LARGE1: variants seen among roughly 807,000 people sequenced by gnomAD.
LARGE1 encodes the protein xylosyl- and glucuronyltransferase LARGE1.
In LARGE1, 43 loss-of-function variants were observed where a neutral mutation model predicts 87.6. The ratio of observed to expected loss-of-function variants is 0.49; its 90% CI spans 0.38 to 0.63. LARGE1 has a LOEUF of 0.63. Among genes scored for constraint, LARGE1 ranks in the 30% least tolerant of loss-of-function variants. The pLI is 0.00. For synonymous variants in LARGE1, 434 were observed against 394.6 expected (o/e 1.10, Z -1.18); for missense variants, 802 against 1,000.2 (o/e 0.80, Z 2.67).
intron 2 of LARGE1, among the ~76,000 whole-genome samples, chr22:33,662,092 A>C (rs2081142640): frequency 6.6e-6 from 1 of 151,640 alleles, no homozygotes; most frequent in African/African-American, 2.4e-5. Flanking sequence ...AAAAAAAAAA[A>C]AAAAAAAGGA....
intron 2 of LARGE1, among the ~76,000 whole-genome samples, chr22:33,662,522 A>T (rs2081157977): frequency 6.6e-6 from 1 of 151,938 alleles, no homozygotes; most frequent in Admixed American, 6.6e-5. Flanking sequence ...TGCAAGCCAC[A>T]CTTCACCAGA....
chr22:33,533,890 T>C (rs1042380375), intron 6 of LARGE1, among the ~76,000 whole-genome samples: 1 of 133,602 alleles, frequency 7.5e-6, no homozygotes, highest in East Asian at 2.0e-4. Flanking sequence ...TAATTTCAGG[T>C]TTTTTTTTTT....
chr22:33,627,513 T>A (rs78136966), intron 3 of LARGE1, among the ~76,000 whole-genome samples: 2,038 of 152,310 alleles, frequency 0.013, 43 homozygotes, highest in African/African-American at 0.046. Context: ...GAGATGCCTT[T>A]TCTTTTCCAG....
chr22:33,833,103 G>C (rs566025515), intron 1 of LARGE1, among the ~76,000 whole-genome samples: 9 of 152,296 alleles, frequency 5.9e-5, no homozygotes, highest in African/African-American at 2.2e-4. Flanking sequence ...TCACCAAGCA[G>C]ATGATGTCTC....
chr22:33,681,272 G>A (rs1386756628), intron 2 of LARGE1, among the ~76,000 whole-genome samples: 1 of 152,172 alleles, frequency 6.6e-6, no homozygotes, highest in Admixed American at 6.5e-5. Flanking sequence ...AGGGGATGAT[G>A]TGAATGGGCC....
At chr22:33,517,515 G>A (rs568864771) in intron 6 of LARGE1, among the ~76,000 whole-genome samples, 32 of 152,268 alleles carry the variant, frequency 2.1e-4, no homozygotes, top group Non-Finnish European at 3.5e-4. Context: ...CCGAATAGCT[G>A]GGAATACAGG....
intron 11 of LARGE1, among the ~76,000 whole-genome samples, chr22:33,192,924 G>C (rs559933699): frequency 6.6e-6 from 1 of 152,184 alleles, no homozygotes; most frequent in Admixed American, 6.5e-5. Context: ...TGAAGAAATT[G>C]TACTTTCCTC....
intron 3 of LARGE1, among the ~76,000 whole-genome samples, chr22:33,636,437 C>A (rs557096304): frequency 6.6e-6 from 1 of 152,068 alleles, no homozygotes; most frequent in South Asian, 2.1e-4. Flanking sequence ...TTGCTCTGAC[C>A]CTTCACCTCA....
intron 6 of LARGE1, among the ~76,000 whole-genome samples, chr22:33,454,851 G>A (rs895628215): frequency 5.9e-5 from 9 of 152,062 alleles, no homozygotes; most frequent in African/African-American, 1.9e-4. Flanking sequence ...TCTATCATGA[G>A]AACAGCATGA....
At chr22:33,442,198 G>A (rs559403471) in intron 6 of LARGE1, among the ~76,000 whole-genome samples, 3 of 152,234 alleles carry the variant, frequency 2.0e-5, no homozygotes, top group Admixed American at 2.0e-4. Context: ...AGAAGCTTCC[G>A]ATCACCGGAA....
intron 1 of LARGE1, among the ~76,000 whole-genome samples, chr22:33,834,451 G>C (rs751692419): frequency 5.9e-5 from 9 of 152,054 alleles, no homozygotes; most frequent in Non-Finnish European, 1.3e-4. Context: ...GGCTCATCCT[G>C]GCTCAAAAGC....
chr22:33,173,876 C>A (rs1922714554), intron 11 of LARGE1, among the ~76,000 whole-genome samples: 1 of 152,060 alleles, frequency 6.6e-6, no homozygotes, highest in African/African-American at 2.4e-5. Flanking sequence ...ACTTAGACTC[C>A]CACACAATAA....
intron 4 of LARGE1, among the ~76,000 whole-genome samples, chr22:33,620,014 A>G (rs2079698005): frequency 6.6e-6 from 1 of 152,204 alleles, no homozygotes; most frequent in Non-Finnish European, 1.5e-5. Context: ...ACCAGAACCC[A>G]GGCCTGCTTC....
At chr22:33,355,005 T>C (rs1451232026) in intron 9 of LARGE1, among the ~76,000 whole-genome samples, 3 of 152,206 alleles carry the variant, frequency 2.0e-5, no homozygotes, top group African/African-American at 7.2e-5. Context: ...TATAATAAAA[T>C]GAAACTTTTC....
chr22:33,922,815 G>C (rs1397506364), upstream of LARGE1: 2 of 152,266 alleles, frequency 1.3e-5, no homozygotes, highest in Admixed American at 1.3e-4. Flanking sequence ...GTGCAGCTCT[G>C]TTCCAGAACG....
At chr22:33,069,318 T>C in the LARGE1 span, among the ~76,000 whole-genome samples, 25 of 152,302 alleles carry the variant, frequency 1.6e-4, no homozygotes, top group East Asian at 4.4e-3. Context: ...TTACTACTTA[T>C]GGGAGAATGG....
intron 6 of LARGE1, among the ~76,000 whole-genome samples, chr22:33,444,231 TA>T (rs1182974845): frequency 6.6e-6 from 1 of 152,260 alleles, no homozygotes; most frequent in Admixed American, 6.5e-5. Flanking sequence ...TAACAGTGGA[TA>T]ACAGTAAAAC....
At chr22:33,612,057 G>C (rs372868657) in intron 4 of LARGE1, among the ~76,000 whole-genome samples, 2 of 152,198 alleles carry the variant, frequency 1.3e-5, no homozygotes, top group Non-Finnish European at 2.9e-5. Context: ...GCAGAACTGT[G>C]AGCCAATTAA....
intron 11 of LARGE1, among the ~76,000 whole-genome samples, chr22:33,190,644 G>C (rs1923725414): frequency 6.6e-6 from 1 of 152,112 alleles, no homozygotes; most frequent in Non-Finnish European, 1.5e-5. Context: ...GGCTAGAAGG[G>C]CACTGGGAGG....
Sources: gnomAD v4.1 joint callset for allele counts (sites outside exome capture counted in the v4.1 genomes callset) on GRCh38, gnomAD v4.1.1 for gene constraint, MANE v1.5 for transcripts, NCBI Gene and HGNC (gene_info 2026-07-23, HGNC 2026-07-21) for gene names.